The following PDZRN4 variants were observed in gnomAD, a reference collection of about 807,000 sequenced individuals.
PDZRN4 encodes PDZ domain-containing RING finger protein 4.
A neutral mutation model predicts 99.0 loss-of-function variants in PDZRN4; 70 were observed. The observed-to-expected ratio is 0.71, with a 90% CI of 0.58 to 0.86. The LOEUF (loss-of-function observed/expected upper bound fraction) is 0.86, where lower values mean the gene tolerates loss of function less well. PDZRN4 is among the 40% of genes least tolerant of loss of function. The pLI is 0.00. For missense variants in PDZRN4, 1,474 were observed against 1,331.2 expected (o/e 1.11, Z -1.67); for synonymous variants, 551 against 501.6 (o/e 1.10, Z -1.32).
chr12:41,528,192 G>GTTTGTT (rs147184599), intron 5 of PDZRN4, among the ~76,000 whole-genome samples: 66 of 151,208 alleles, frequency 4.4e-4, no homozygotes, highest in East Asian at 7.9e-4. Context: ...TTTTTTGTTT[G>GTTTGTT]TTTGTTTTTG....
At chr12:41,457,208 T>C (rs1425623120) in intron 3 of PDZRN4, among the ~76,000 whole-genome samples, 2 of 152,200 alleles carry the variant, frequency 1.3e-5, no homozygotes, top group African/African-American at 2.4e-5. Flanking sequence ...CTTAATATGA[T>C]ATAAACACTA....
intron 3 of PDZRN4, among the ~76,000 whole-genome samples, chr12:41,320,118 C>T (rs1204021398): frequency 6.6e-6 from 1 of 152,188 alleles, no homozygotes; most frequent in Non-Finnish European, 1.5e-5. Context: ...TCTGCACAGC[C>T]CCACCTAGGG....
intron 9 of PDZRN4, among the ~76,000 whole-genome samples, chr12:41,568,159 C>G (rs1464510282): frequency 6.6e-6 from 1 of 152,128 alleles, no homozygotes; most frequent in Non-Finnish European, 1.5e-5. Context: ...GACCCAGGCA[C>G]TACTTCAAAC....
intron 5 of PDZRN4, among the ~76,000 whole-genome samples, chr12:41,550,592 G>T (rs911897014): frequency 1.3e-5 from 2 of 152,082 alleles, no homozygotes. Flanking sequence ...TAGGAAAAAG[G>T]ATGTTTCACC....
At chr12:41,206,820 G>GT (rs754512538) in intron 3 of PDZRN4, among the ~76,000 whole-genome samples, 7 of 151,644 alleles carry the variant, frequency 4.6e-5, no homozygotes, top group Non-Finnish European at 1.0e-4. Flanking sequence ...ATCTTACCTG[G>GT]TTTTCTCTCG....
intron 3 of PDZRN4, among the ~76,000 whole-genome samples, chr12:41,351,324 C>T (rs896606621): frequency 6.6e-6 from 1 of 152,026 alleles, no homozygotes; most frequent in Non-Finnish European, 1.5e-5. Context: ...AAAACAGCTT[C>T]TTCTGTAAAG....
chr12:41,261,731 C>T lies in PDZRN4; in HGVS notation c.843+67543C>T, dbSNP rs575227989. Among the ~76,000 whole-genome samples, 31 of 152,248 alleles carry T rather than the reference C, an allele frequency of 2.0e-4. 1 individual carries two copies. In the South Asian group the frequency reaches 4.3e-3, roughly 21 times the overall value. On this transcript the variant is annotated intron_variant, in intron 3 of 9. Coordinates refer to ENST00000402685, the MANE Select transcript of PDZRN4 (RefSeq NM_001164595.2). ...GTCTCGATCTCCTGACCTCGTGATC[C>T]CCCCTCCTCGGCCTCCCAAAATGCT...
At chr12:41,224,692 C>T (rs1267875837) in intron 3 of PDZRN4, among the ~76,000 whole-genome samples, 1 of 152,086 alleles carries the variant, frequency 6.6e-6, no homozygotes, top group Admixed American at 6.6e-5. Context: ...AGTAATTTAT[C>T]TACTTTAATC....
rs1306919779 is a variant in PDZRN4, at chr12:41,572,944, A to T, written c.2165A>T (p.Asp722Val). ...TSIDMQRGKLDDIMEHPEKSD... is the reference protein window; with the variant it reads ...TSIDMQRGKLVDIMEHPEKSD... ...ATAGATATGCAAAGGGGAAAGCTAG[A>T]TGACATCATGGAGCATCCAGAAAAG... Residue 722 changes from aspartate (D) to valine (V), a missense_variant, in exon 10 of 10, where the codon GAT (aspartate) becomes GTT (valine). By Grantham distance (152) the Asp-to-Val change is radical. Transcript: ENST00000402685. 1 of 1,614,152 alleles carries T rather than the reference A, an allele frequency of 6.2e-7. No individual in the cohort carries two copies. The highest frequency in any genetic ancestry group is 8.5e-7 in the Non-Finnish European group (1 of 1,180,038).
intron 3 of PDZRN4, among the ~76,000 whole-genome samples, chr12:41,262,729 G>A (rs1421528106): frequency 6.6e-6 from 1 of 152,106 alleles, no homozygotes; most frequent in Non-Finnish European, 1.5e-5. Flanking sequence ...AACTAGTCAT[G>A]AGCTGAATAC....
chr12:41,431,113 A>C (rs1455499425), intron 3 of PDZRN4, among the ~76,000 whole-genome samples: 5 of 152,200 alleles, frequency 3.3e-5, no homozygotes, highest in Non-Finnish European at 7.3e-5. Context: ...GGGAATTACA[A>C]TTTGACATGA....
chr12:41,503,901 C>A (rs1938155316), intron 3 of PDZRN4, among the ~76,000 whole-genome samples: 1 of 152,106 alleles, frequency 6.6e-6, no homozygotes, highest in Admixed American at 6.6e-5. Context: ...TTCACTCTAC[C>A]ACTATTAGGG....
At chr12:41,514,482 C>G (rs931436658) in intron 5 of PDZRN4, among the ~76,000 whole-genome samples, 1 of 151,864 alleles carries the variant, frequency 6.6e-6, no homozygotes, top group Non-Finnish European at 1.5e-5. Flanking sequence ...TGAGCAACTT[C>G]ATGATTTGTG....
At chr12:41,196,615 T>C (rs1566351411) in intron 3 of PDZRN4, among the ~76,000 whole-genome samples, 1 of 152,074 alleles carries the variant, frequency 6.6e-6, no homozygotes, top group African/African-American at 2.4e-5. Flanking sequence ...ACAAGAAGTG[T>C]GTTTTTTCTT....
chr12:41,312,693 CT>C (rs1022744197), intron 3 of PDZRN4, among the ~76,000 whole-genome samples: 1 of 152,110 alleles, frequency 6.6e-6, no homozygotes, highest in African/African-American at 2.4e-5. Flanking sequence ...GACTTATTCA[CT>C]ATTACTAGAA....
At position 41,298,694 on chromosome 12, in the gene PDZRN4, T is replaced by G. The variant is rs899899323; in HGVS notation, c.843+104506T>G. ...TATTTTAAATTAGTTCTGATACCATTAACACTTCCAATACCATTAAATGAG... is the reference window on the plus strand; with the variant it reads ...TATTTTAAATTAGTTCTGATACCATGAACACTTCCAATACCATTAAATGAG... On this transcript the variant is annotated intron_variant, in intron 3 of 9. Coordinates refer to ENST00000402685, the MANE Select transcript of PDZRN4 (RefSeq NM_001164595.2). 5.3e-5 allele frequency among the ~76,000 whole-genome samples: 8 copies of G among 152,236 alleles called. No individual in the cohort carries two copies. The East Asian group carries it at 1.5e-3, about 29-fold the overall frequency.
At chr12:41,306,968 A>T (rs1430506079) in intron 3 of PDZRN4, among the ~76,000 whole-genome samples, 4 of 152,168 alleles carry the variant, frequency 2.6e-5, no homozygotes, top group Non-Finnish European at 5.9e-5. Context: ...CTAACAGATG[A>T]AAGCTTTCTC....
At chr12:41,233,919 C>A (rs1951048023) in intron 3 of PDZRN4, among the ~76,000 whole-genome samples, 1 of 151,564 alleles carries the variant, frequency 6.6e-6, no homozygotes, top group Admixed American at 6.6e-5. Context: ...TGCACATGTA[C>A]CCTAAAACTT....
intron 3 of PDZRN4, among the ~76,000 whole-genome samples, chr12:41,483,280 T>C (rs1269757791): frequency 6.6e-6 from 1 of 152,134 alleles, no homozygotes; most frequent in Non-Finnish European, 1.5e-5. Context: ...TCATTCTGTC[T>C]ATGAACTTAC....
Sources: allele counts gnomAD v4.1 joint callset (sites outside exome capture counted in the v4.1 genomes callset), GRCh38; gene constraint gnomAD v4.1.1; transcripts MANE v1.5; gene names NCBI Gene and HGNC (gene_info 2026-07-23, HGNC 2026-07-21).